The following DPY19L2 variants were observed in gnomAD, a reference collection of about 807,000 sequenced individuals.
DPY19L2 encodes dpy-19 like 2.
DPY19L2 carries 34 observed loss-of-function variants against 97.9 expected under a neutral mutation model. The observed-to-expected ratio is 0.35, with a 90% CI of 0.26 to 0.46. The LOEUF (loss-of-function observed/expected upper bound fraction) is 0.46, where lower values mean the gene tolerates loss of function less well. Among genes scored for constraint, DPY19L2 ranks in the 20% least tolerant of loss-of-function variants. The pLI, the probability that DPY19L2 is intolerant of heterozygous loss-of-function variation, is 1.00. For missense variants in DPY19L2, 623 were observed against 911.4 expected (o/e 0.68, Z 4.07); for synonymous variants, 230 against 307.9 (o/e 0.75, Z 2.65).
chr12:63,560,886 A>G (rs1876363933), intron 21 of DPY19L2, among the ~76,000 whole-genome samples: 1 of 152,198 alleles, frequency 6.6e-6, no homozygotes, highest in Non-Finnish European at 1.5e-5. Flanking sequence ...GACATATCCT[A>G]ATAATAAAGC....
intron 1 of DPY19L2, among the ~76,000 whole-genome samples, chr12:63,667,440 T>C (rs1357623010): frequency 1.3e-5 from 2 of 152,096 alleles, no homozygotes; most frequent in African/African-American, 2.4e-5. Flanking sequence ...GATGCCAGTA[T>C]TCTAAATGCT....
At chr12:63,561,319 A>G (rs141769712) in intron 21 of DPY19L2, among the ~76,000 whole-genome samples, 2 of 152,302 alleles carry the variant, frequency 1.3e-5, no homozygotes, top group Non-Finnish European at 2.9e-5. Flanking sequence ...TTTTATGTGT[A>G]AAGTTTGCCA....
intron 21 of DPY19L2, among the ~76,000 whole-genome samples, chr12:63,567,693 T>A (rs1878008379): frequency 6.6e-6 from 1 of 152,088 alleles, no homozygotes; most frequent in Admixed American, 6.6e-5. Context: ...CATCTTGAAG[T>A]ATAAACCTGT....
chr12:63,599,615 T>A (rs1304554572), intron 13 of DPY19L2, among the ~76,000 whole-genome samples: 1 of 152,154 alleles, frequency 6.6e-6, no homozygotes, highest in African/African-American at 2.4e-5. Context: ...CAAAATTGAT[T>A]ATTATATGAT....
intron 6 of DPY19L2, among the ~76,000 whole-genome samples, chr12:63,629,210 G>C (rs1287011401): frequency 6.6e-6 from 1 of 152,160 alleles, no homozygotes; most frequent in East Asian, 1.9e-4. Flanking sequence ...AACAAAGCTG[G>C]ATGGAGAATG....
At chr12:63,621,663 T>G (rs1018582292) in intron 8 of DPY19L2, among the ~76,000 whole-genome samples, 2 of 152,208 alleles carry the variant, frequency 1.3e-5, no homozygotes, top group Non-Finnish European at 2.9e-5. Flanking sequence ...GATGCAGCAC[T>G]GCCCCTGCAC....
intron 6 of DPY19L2, among the ~76,000 whole-genome samples, chr12:63,628,760 G>A (rs4763096): frequency 0.29 from 42,321 of 148,314 alleles, 7,067 homozygotes; most frequent in African/African-American, 0.46. Context: ...CAACAGACAG[G>A]CTGCCTGCTC....
At chr12:63,627,843 C>A (rs993475810) in intron 6 of DPY19L2, among the ~76,000 whole-genome samples, 8 of 152,066 alleles carry the variant, frequency 5.3e-5, no homozygotes, top group Admixed American at 3.9e-4. Context: ...TTACTATATC[C>A]CCAGCTTCAC....
chr12:63,622,648 G>A (rs1241581218), intron 8 of DPY19L2, among the ~76,000 whole-genome samples: 10 of 152,046 alleles, frequency 6.6e-5, no homozygotes, highest in Non-Finnish European at 1.0e-4. Context: ...ATAATTGGCC[G>A]GGCACAGTGG....
intron 19 of DPY19L2, among the ~76,000 whole-genome samples, chr12:63,579,943 T>G (rs1277014783): frequency 6.6e-6 from 1 of 152,042 alleles, no homozygotes; most frequent in Non-Finnish European, 1.5e-5. Flanking sequence ...TGTACCAGAG[T>G]AAGTTTCTAA....
chr12:63,560,676 G>C lies in DPY19L2; in HGVS notation c.2127-14C>G. 6.2e-7 allele frequency: 1 copy of C among 1,613,212 alleles called. No homozygotes were observed. Among genetic ancestry groups the C allele is most frequent in the Non-Finnish European group, 8.5e-7 (1 of 1,179,462 alleles). ...CTGCAACCAGGCCTGAAAAAAGACA[G>C]ACATATATATCCATATTAGAAATGT... On this transcript the variant is annotated splice_polypyrimidine_tract_variant and intron_variant, in intron 21 of 21. Coordinates refer to ENST00000324472, the MANE Select transcript of DPY19L2 (RefSeq NM_173812.5).
chr12:63,629,442 G>A (rs1310104931), intron 6 of DPY19L2, among the ~76,000 whole-genome samples: 6 of 152,122 alleles, frequency 3.9e-5, no homozygotes, highest in Non-Finnish European at 5.9e-5. Context: ...TAGCCAATTC[G>A]ATCAACTGGA....
intron 4 of DPY19L2, among the ~76,000 whole-genome samples, chr12:63,659,425 C>G (rs1895390184): frequency 1.3e-5 from 2 of 151,200 alleles, no homozygotes; most frequent in African/African-American, 4.9e-5. Flanking sequence ...GATGTCAATT[C>G]TTCCCAGATA....
intron 21 of DPY19L2, among the ~76,000 whole-genome samples, chr12:63,564,258 T>C (rs1280201741): frequency 6.6e-6 from 1 of 152,174 alleles, no homozygotes; most frequent in Admixed American, 6.5e-5. Flanking sequence ...CTTTATGCTT[T>C]CTTTTCTTCT....
At chr12:63,615,524 G>A in intron 11 of DPY19L2, among the ~76,000 whole-genome samples, 1 of 152,120 alleles carries the variant, frequency 6.6e-6, no homozygotes, top group East Asian at 1.9e-4. Context: ...TGAGACAAAG[G>A]AACATGCTTA....
chr12:63,634,001 G>T (rs1891185119), intron 6 of DPY19L2, among the ~76,000 whole-genome samples: 1 of 151,712 alleles, frequency 6.6e-6, no homozygotes, highest in South Asian at 2.1e-4. Flanking sequence ...CTCATAGTTG[G>T]GAATTGAACA....
chr12:63,594,593 G>T (rs1381089443), intron 15 of DPY19L2, among the ~76,000 whole-genome samples: 1 of 151,060 alleles, frequency 6.6e-6, no homozygotes, highest in Non-Finnish European at 1.5e-5. Context: ...GTGTGTGTGT[G>T]TGCGTGCACG....
chr12:63,580,281 T>C (rs988876291), intron 19 of DPY19L2, among the ~76,000 whole-genome samples: 1 of 152,176 alleles, frequency 6.6e-6, no homozygotes, highest in Non-Finnish European at 1.5e-5. Context: ...TCTTCTGCTG[T>C]AGCCTGGCAC....
At chr12:63,581,478 T>TA (rs1880884148) in intron 18 of DPY19L2, among the ~76,000 whole-genome samples, 2 of 103,262 alleles carry the variant, frequency 1.9e-5, no homozygotes, top group Admixed American at 2.3e-4. Context: ...ACCAGGAAAC[T>TA]CTTTTTTTTT....
Sources: allele counts gnomAD v4.1 joint callset (sites outside exome capture counted in the v4.1 genomes callset), GRCh38; gene constraint gnomAD v4.1.1; transcripts MANE v1.5; gene names NCBI Gene and HGNC (gene_info 2026-07-23, HGNC 2026-07-21).